UVRAG: variants seen among roughly 807,000 people sequenced by gnomAD.
UVRAG encodes the protein UV radiation resistance associated.
In UVRAG, 19 loss-of-function variants were observed where a neutral mutation model predicts 78.0. The observed-to-expected ratio is 0.24, with a 90% confidence interval of 0.17 to 0.36. UVRAG has a LOEUF of 0.36. UVRAG is among the 10% of genes least tolerant of loss of function. UVRAG has a pLI of 1.00. For synonymous variants in UVRAG, 323 were observed against 324.6 expected, an observed-to-expected ratio of 1.00 and a Z score of 0.05; for missense variants, 740 against 853.8, an observed-to-expected ratio of 0.87 and a Z score of 1.66.
At chr11:75,854,665 T>G (rs986728502) in intron 2 of UVRAG, among the ~76,000 whole-genome samples, 4 of 152,138 alleles carry the variant, frequency 2.6e-5, no homozygotes, top group African/African-American at 9.7e-5. Context: ...GACCTGCCCA[T>G]CTTAGTCTCC....
intron 3 of UVRAG, among the ~76,000 whole-genome samples, chr11:75,873,008 C>G (rs568099579): frequency 6.6e-6 from 1 of 152,250 alleles, no homozygotes; most frequent in East Asian, 1.9e-4. Context: ...GCAAAAAAAT[C>G]AGTGATGGTG....
chr11:75,868,278 G>A (rs1394055660), intron 3 of UVRAG, among the ~76,000 whole-genome samples: 1 of 152,192 alleles, frequency 6.6e-6, no homozygotes, highest in South Asian at 2.1e-4. Flanking sequence ...AGACAGGAGT[G>A]TACTTGAGGT....
chr11:75,879,616 T>A (rs1946893063), intron 3 of UVRAG, among the ~76,000 whole-genome samples: 1 of 152,210 alleles, frequency 6.6e-6, no homozygotes, highest in African/African-American at 2.4e-5. Flanking sequence ...AATAAATGAA[T>A]GAATTACCGT....
chr11:75,965,872 A>G (rs1162203779), intron 7 of UVRAG, among the ~76,000 whole-genome samples: 2 of 152,156 alleles, frequency 1.3e-5, no homozygotes, highest in African/African-American at 4.8e-5. Flanking sequence ...AAGTTTGCAC[A>G]GTTTTATGCC....
chr11:75,987,805 C>T (rs1021647742), intron 8 of UVRAG, among the ~76,000 whole-genome samples: 1 of 151,382 alleles, frequency 6.6e-6, no homozygotes, highest in Non-Finnish European at 1.5e-5. Context: ...GGCGTGGTCT[C>T]GGCTCACTGC....
intron 13 of UVRAG, among the ~76,000 whole-genome samples, chr11:76,076,122 G>T (rs1443087483): frequency 6.6e-6 from 1 of 152,162 alleles, no homozygotes; most frequent in Non-Finnish European, 1.5e-5. Flanking sequence ...GAGTGGAATT[G>T]CTGAGCCATA....
chr11:75,875,625 T>C (rs1175004231), intron 3 of UVRAG, among the ~76,000 whole-genome samples: 2 of 152,188 alleles, frequency 1.3e-5, no homozygotes, highest in East Asian at 3.9e-4. Context: ...ACCTTTTTTT[T>C]TTTTTTCATA....
intron 12 of UVRAG, among the ~76,000 whole-genome samples, chr11:76,031,005 A>G (rs1213886423): frequency 6.6e-6 from 1 of 152,172 alleles, no homozygotes; most frequent in Non-Finnish European, 1.5e-5. Flanking sequence ...ACTTGCAGAG[A>G]GGCTTGTATT....
At chr11:75,836,750 A>G (rs1023799222) in intron 1 of UVRAG, among the ~76,000 whole-genome samples, 2 of 152,214 alleles carry the variant, frequency 1.3e-5, no homozygotes, top group African/African-American at 4.8e-5. Flanking sequence ...GGTGCAAGTC[A>G]TTAAAAAGCA....
At chr11:76,008,725 C>A in intron 10 of UVRAG, 82 bp from the exon 11 acceptor site, 1 of 738,478 alleles carries the variant, frequency 1.4e-6, no homozygotes, top group South Asian at 2.1e-5. Context: ...TGTTTTGAGT[C>A]AGCACCGACC....
At chr11:76,140,107 C>CCCTA (rs1565177351) in intron 14 of UVRAG, among the ~76,000 whole-genome samples, 6 of 29,946 alleles carry the variant, frequency 2.0e-4, no homozygotes, top group Non-Finnish European at 2.2e-4. Context: ...CTCCCTCCCT[C>CCCTA]CCTCCCTCTC....
intron 13 of UVRAG, among the ~76,000 whole-genome samples, chr11:76,098,647 G>A (rs975865668): frequency 1.3e-5 from 2 of 152,016 alleles, no homozygotes; most frequent in Admixed American, 6.6e-5. Flanking sequence ...GATTTGATGG[G>A]GGTAGTTTTG....
At chr11:76,128,368 A>T (rs766779651) in intron 14 of UVRAG, among the ~76,000 whole-genome samples, 8 of 152,222 alleles carry the variant, frequency 5.3e-5, no homozygotes, top group Non-Finnish European at 1.2e-4. Flanking sequence ...CCCACGGCCC[A>T]TGGAAAAATT....
chr11:76,052,125 T>C (rs764407544), intron 12 of UVRAG, among the ~76,000 whole-genome samples: 2 of 152,242 alleles, frequency 1.3e-5, no homozygotes, highest in African/African-American at 2.4e-5. Context: ...TTAGGCTGAT[T>C]ATATGAGCAC....
intron 1 of UVRAG, among the ~76,000 whole-genome samples, chr11:75,843,363 A>G (rs538572338): frequency 5.3e-5 from 8 of 152,234 alleles, no homozygotes; most frequent in Admixed American, 5.2e-4. Context: ...CTAAGTTAGA[A>G]TGTTACTCTT....
intron 3 of UVRAG, among the ~76,000 whole-genome samples, chr11:75,876,831 GT>G (rs368114316): frequency 3.9e-4 from 58 of 148,946 alleles, no homozygotes; most frequent in East Asian, 5.9e-4. Context: ...AAGCCCTTAT[GT>G]TTTTTTTTTA....
intron 8 of UVRAG, among the ~76,000 whole-genome samples, chr11:75,987,295 A>G (rs1045513578): frequency 1.3e-5 from 2 of 152,192 alleles, no homozygotes; most frequent in African/African-American, 4.8e-5. Context: ...TAGCCATCCT[A>G]CTGAATATAG....
intron 12 of UVRAG, among the ~76,000 whole-genome samples, chr11:76,019,928 C>A (rs1381963622): frequency 6.6e-6 from 1 of 152,170 alleles, no homozygotes; most frequent in Non-Finnish European, 1.5e-5. Flanking sequence ...CAGCAAGTTT[C>A]CCCCGGCCCC....
At chr11:75,893,445 C>G (rs1947265893) in intron 5 of UVRAG, among the ~76,000 whole-genome samples, 1 of 151,492 alleles carries the variant, frequency 6.6e-6, no homozygotes, top group African/African-American at 2.4e-5. Context: ...AACTGCAGAA[C>G]TTTAAGAATA....
Sources: allele counts gnomAD v4.1 joint callset (sites outside exome capture counted in the v4.1 genomes callset), GRCh38; gene constraint gnomAD v4.1.1; transcripts MANE v1.5; gene names NCBI Gene and HGNC (gene_info 2026-07-23, HGNC 2026-07-21).